The following DAZAP1 variants were observed in gnomAD, a reference collection of about 807,000 sequenced individuals.
DAZAP1 encodes the protein DAZ-associated protein 1.
A neutral mutation model predicts 60.1 loss-of-function variants in DAZAP1; 6 were observed. That is an observed-to-expected ratio of 0.10 (90% CI 0.05 to 0.20). The LOEUF is 0.20. DAZAP1 is among the 10% of genes least tolerant of loss of function. DAZAP1 has a pLI of 1.00. For missense variants in DAZAP1, 366 were observed against 560.4 expected (o/e 0.65, Z 3.50); for synonymous variants, 235 against 215.9 (o/e 1.09, Z -0.78).
chr19:1,424,268 C>T (rs2083244098), intron 6 of DAZAP1, among the ~76,000 whole-genome samples: 1 of 151,680 alleles, frequency 6.6e-6, no homozygotes. Flanking sequence ...TCTTCTCCAT[C>T]CTGCGCTCCT....
rs1302577654 is a variant in DAZAP1 at position 1,432,944 on chromosome 19, G to A, written c.1048+254G>A. 8 of 497,508 alleles carry A rather than the reference G, an allele frequency of 1.6e-5. No individual in the cohort carries two copies. Among genetic ancestry groups the A allele is most frequent in the South Asian group, 8.5e-5 (3 of 35,418 alleles). The allele number at this position is 497,508 out of a possible 1,614,324, so 30.8% of individuals were successfully genotyped here. ...GGTGCTGCAGGGCCTGCATGTGTGG[G>A]AACCTGAGTGGCGACTGGGTCGAGG... On this transcript the variant is annotated intron_variant, in intron 11 of 11. Coordinates refer to ENST00000233078, the MANE Select transcript of DAZAP1 (RefSeq NM_018959.4). The surrounding 1 kb of genome is among the most constrained non-coding windows in gnomAD (Gnocchi z 4.9).
chr19:1,428,674 AT>A lies in DAZAP1; in HGVS notation c.547-162del, dbSNP rs896933670. 1.7e-5 allele frequency: 15 copies of A among 863,412 alleles called. No individual in the cohort carries two copies. The highest frequency in any genetic ancestry group is 2.6e-5 in the Non-Finnish European group (15 of 577,650). The allele number at this position is 863,412 out of a possible 1,614,324, so 53.5% of individuals were successfully genotyped here. A position where few individuals can be genotyped will look rare whatever the true frequency, so the allele number is the denominator to read the frequency against. On this transcript the variant is annotated intron_variant, in intron 7 of 11. Coordinates refer to ENST00000233078, the MANE Select transcript of DAZAP1 (RefSeq NM_018959.4). This position sits in a 1 kb window ranked among gnomAD's most constrained non-coding sequence, Gnocchi z 4.0. Reference sequence around the variant, plus strand: ...AAACAAAAAAATTCAACACAAAAGAATTTTTTAAGAAAAAAATGCTACTGGC... The same window carrying A: ...AAACAAAAAAATTCAACACAAAAGAATTTTTAAGAAAAAAATGCTACTGGC...
At position 1,426,956 on chromosome 19, in the gene DAZAP1, CT is replaced by C. The variant is rs755330896; in HGVS notation, c.546+997del. ...GAGGGAGCATCGTGCTCATTATCTC[CT>C]GCCCCTGCCCTCTACCCCAGCCAGA... On this transcript the variant is annotated intron_variant, in intron 7 of 11. Transcript: ENST00000233078. The surrounding 1 kb of genome is among the most constrained non-coding windows in gnomAD (Gnocchi z 5.4). 6.6e-6 allele frequency: 1 copy of C among 152,244 alleles called. No homozygotes were observed. Among genetic ancestry groups the C allele is most frequent in the Non-Finnish European group, 1.5e-5 (1 of 68,046 alleles). 9.4% of individuals were successfully genotyped at this position (152,244 alleles called of 1,614,324 possible).
chr19:1,421,369 C>T, intron 5 of DAZAP1, 111 bp downstream of exon 5: 1 of 894,194 alleles, frequency 1.1e-6, no homozygotes, highest in Non-Finnish European at 1.8e-6. Context: ...GCCTTTCAGG[C>T]TGGGAGCTCG....
intron 4 of DAZAP1, among the ~76,000 whole-genome samples, chr19:1,420,317 G>A (rs568217027): frequency 3.2e-3 from 222 of 69,364 alleles, no homozygotes; most frequent in Non-Finnish European, 3.8e-3. Flanking sequence ...CACCCCACGC[G>A]CACACTCATG....
At chr19:1,415,401 T>G (rs905055822) in intron 1 of DAZAP1, among the ~76,000 whole-genome samples, 5 of 148,502 alleles carry the variant, frequency 3.4e-5, no homozygotes, top group African/African-American at 1.2e-4. Flanking sequence ...TTTGTTTTTT[T>G]TTTTTTTTTT....
chr19:1,421,305 C>T (rs778982201), intron 5 of DAZAP1, 47 bp downstream of exon 5: 74 of 1,556,028 alleles, frequency 4.8e-5, no homozygotes, highest in Non-Finnish European at 6.4e-5. Flanking sequence ...AGAGCCGCTT[C>T]TGCTCAGGCC....
At position 1,407,822 on chromosome 19, in the gene DAZAP1, G is replaced by C. The variant is rs930397868; in HGVS notation, c.29+20G>C. 57 of 1,068,932 alleles carry C rather than the reference G, an allele frequency of 5.3e-5. 1 individual carries two copies. In the African/African-American group the frequency reaches 9.7e-4, roughly 18 times the overall value. The allele number at this position is 1,068,932 out of a possible 1,614,324, so 66.2% of individuals were successfully genotyped here. The stretch of plus-strand genomic sequence containing the variant: ...GATCGGGTGAGGACGAGCGGCGCGG[G>C]CCTGCGTCTCCGCCCCGAGCCCGGC... On this transcript the variant is annotated intron_variant, in intron 1 of 11. Coordinates refer to ENST00000233078, the MANE Select transcript of DAZAP1 (RefSeq NM_018959.4).
intron 8 of DAZAP1, among the ~76,000 whole-genome samples, chr19:1,429,279 C>T (rs538231602): frequency 7.9e-5 from 12 of 152,346 alleles, no homozygotes; most frequent in South Asian, 4.1e-4. Context: ...ACCTCGCGAC[C>T]GTGTGCCACG....
At chr19:1,417,674 C>A in intron 2 of DAZAP1, 134 bp downstream of exon 2, 3 of 837,952 alleles carry the variant, frequency 3.6e-6, no homozygotes, top group Non-Finnish European at 5.6e-6. Flanking sequence ...GATTTCTGGG[C>A]AGGGGACAGA....
intron 4 of DAZAP1, among the ~76,000 whole-genome samples, chr19:1,420,403 G>T (rs1299240953): frequency 6.6e-6 from 1 of 150,590 alleles, no homozygotes; most frequent in Non-Finnish European, 1.5e-5. Context: ...CCGTCACGGC[G>T]GCGAGCACTC....
Position 1,412,162 on chromosome 19 carries a change from C to T in DAZAP1, c.29+4360C>T, listed in dbSNP as rs557770415. Among the ~76,000 whole-genome samples the T allele has an allele frequency of 1.2e-4, 19 of 152,282 alleles. No individual in the cohort carries two copies. The South Asian group carries it at 2.9e-3, about 23-fold the overall frequency. On this transcript the variant is annotated intron_variant, in intron 1 of 11. Transcript: ENST00000233078. The stretch of plus-strand genomic sequence containing the variant: ...GCACACAGCAGCGCGTTCCAGTTCA[C>T]GGACCGCTCCTGTGTTCTGTGGACC...
chr19:1,415,351 TTA>T (rs1555780964), intron 1 of DAZAP1, among the ~76,000 whole-genome samples: 1,353 of 69,992 alleles, frequency 0.019, 21 homozygotes, highest in African/African-American at 0.051. Context: ...TTTCAGGGTT[TTA>T]TGTGTGTGTG....
intron 4 of DAZAP1, among the ~76,000 whole-genome samples, chr19:1,420,896 C>T (rs970287017): frequency 3.9e-5 from 6 of 152,204 alleles, no homozygotes; most frequent in East Asian, 1.9e-4. Context: ...CGCACTGTGT[C>T]GTGGGTCCGT....
At chr19:1,419,303 G>C (rs894235017) in intron 4 of DAZAP1, among the ~76,000 whole-genome samples, 2 of 152,204 alleles carry the variant, frequency 1.3e-5, no homozygotes, top group Non-Finnish European at 2.9e-5. Flanking sequence ...CTGGTGGGGC[G>C]GTGCAGATGG....
chr19:1,417,464 T>G, intron 1 of DAZAP1, 36 bp from the exon 2 acceptor site: 1 of 1,587,156 alleles, frequency 6.3e-7, no homozygotes, highest in Non-Finnish European at 8.6e-7. Context: ...AGGCGAGCGC[T>G]GTCTTGATCC....
chr19:1,425,981 TTTACC>T lies in DAZAP1; in HGVS notation c.546+25_546+29del. On this transcript the variant is annotated intron_variant, in intron 7 of 11. Coordinates refer to ENST00000233078, the MANE Select transcript of DAZAP1 (RefSeq NM_018959.4). The surrounding 1 kb of genome is among the most constrained non-coding windows in gnomAD (Gnocchi z 5.4). ...AAAAAGTGTGTAGTTGTAGTTTTAT[TTTACC>T]TTAAGACCAAACCAAGTCTTAGGCA... The T allele has an allele frequency of 6.4e-7, 1 of 1,561,826 alleles. No individual in the cohort carries two copies. The highest frequency in any genetic ancestry group is 8.8e-7 in the Non-Finnish European group (1 of 1,132,438).
chr19:1,427,031 T>G (rs1381874316), intron 7 of DAZAP1: 1 of 152,232 alleles, frequency 6.6e-6, no homozygotes, highest in Non-Finnish European at 1.5e-5. Context: ...TGTAGTTATT[T>G]TTGTATACAC....
intron 4 of DAZAP1, among the ~76,000 whole-genome samples, chr19:1,420,534 C>G (rs952260479): frequency 5.9e-5 from 9 of 151,926 alleles, no homozygotes; most frequent in African/African-American, 1.9e-4. Context: ...GGAGAGCAGC[C>G]CCAGCCCTAA....
Sources: gnomAD v4.1 joint callset for allele counts (sites outside exome capture counted in the v4.1 genomes callset) on GRCh38, gnomAD v4.1.1 for gene constraint, Gnocchi (gnomAD v3.1) non-coding constraint, MANE v1.5 for transcripts, NCBI Gene and HGNC (gene_info 2026-07-23, HGNC 2026-07-21) for gene names.